TENM3: variants seen among roughly 807,000 people sequenced by gnomAD.
The protein encoded by TENM3 is teneurin-3.
Under a neutral mutation model 255.1 loss-of-function variants are expected in TENM3, and 63 were observed. The observed-to-expected ratio is 0.25, with a 90% confidence interval of 0.20 to 0.30. The LOEUF (loss-of-function observed/expected upper bound fraction) is 0.30. Ranked by LOEUF, TENM3 falls within the 10% of genes least tolerant of loss-of-function variation. TENM3 has a pLI of 1.00. For synonymous variants in TENM3, 1,306 were observed against 1,322.3 expected, an observed-to-expected ratio of 0.99 and a Z score of 0.27; for missense variants, 2,929 against 3,461.1, an observed-to-expected ratio of 0.85 and a Z score of 3.86.
chr4:182,635,206 C>T (rs1486157835), intron 5 of TENM3, among the ~76,000 whole-genome samples: 1 of 152,092 alleles, frequency 6.6e-6, no homozygotes, highest in Non-Finnish European at 1.5e-5. Context: ...ATTATCTTGC[C>T]CTTTTGGCCA....
chr4:181,669,858 T>A, the TENM3 span, among the ~76,000 whole-genome samples: 1 of 152,138 alleles, frequency 6.6e-6, no homozygotes, highest in African/African-American at 2.4e-5. Flanking sequence ...TAGGGAGAAC[T>A]TCGGTGTGTA....
the TENM3 span, among the ~76,000 whole-genome samples, chr4:181,762,528 G>A: frequency 3.3e-5 from 5 of 152,200 alleles, no homozygotes; most frequent in Non-Finnish European, 5.9e-5. Flanking sequence ...ATATTATTTT[G>A]CTTTAGGCAA....
the TENM3 span, among the ~76,000 whole-genome samples, chr4:181,747,203 A>G: frequency 6.6e-6 from 1 of 152,118 alleles, no homozygotes; most frequent in Non-Finnish European, 1.5e-5. Context: ...TTAAATTTTT[A>G]CCAAGTTAAT....
intron 3 of TENM3, among the ~76,000 whole-genome samples, chr4:182,429,230 A>G (rs1771451990): frequency 6.6e-6 from 1 of 152,234 alleles, no homozygotes; most frequent in African/African-American, 2.4e-5. Flanking sequence ...TTAGAGAAGA[A>G]TTTAGGAACC....
At chr4:181,452,414 G>A in the TENM3 span, among the ~76,000 whole-genome samples, 1 of 152,100 alleles carries the variant, frequency 6.6e-6, no homozygotes, top group Non-Finnish European at 1.5e-5. Context: ...GGAGGTAATG[G>A]AATCCTGGGG....
At chr4:181,520,605 T>G in the TENM3 span, among the ~76,000 whole-genome samples, 1 of 152,090 alleles carries the variant, frequency 6.6e-6, no homozygotes, top group African/African-American at 2.4e-5. Context: ...CTTAAATAGC[T>G]TTGCCCAAGA....
chr4:181,740,406 G>A, the TENM3 span, among the ~76,000 whole-genome samples: 7 of 151,992 alleles, frequency 4.6e-5, no homozygotes, highest in Non-Finnish European at 1.0e-4. Context: ...GAATATATAT[G>A]TGTTATTCAG....
the TENM3 span, among the ~76,000 whole-genome samples, chr4:182,105,130 T>C: frequency 9.2e-5 from 14 of 152,216 alleles, no homozygotes; most frequent in South Asian, 2.1e-4. Flanking sequence ...GGAGGATTGG[T>C]TGAGTCCAGG....
chr4:182,006,408 G>C, the TENM3 span, among the ~76,000 whole-genome samples: 1 of 152,238 alleles, frequency 6.6e-6, no homozygotes, highest in Non-Finnish European at 1.5e-5. Flanking sequence ...TTCAGAGCTT[G>C]TTATTGGCCT....
chr4:182,779,670 C>T (rs536916792), intron 24 of TENM3, among the ~76,000 whole-genome samples: 58 of 152,012 alleles, frequency 3.8e-4, no homozygotes, highest in African/African-American at 1.4e-3. Context: ...TTTACAGTCC[C>T]ACCAACAGTG....
chr4:181,897,757 G>T, the TENM3 span, among the ~76,000 whole-genome samples: 1 of 152,190 alleles, frequency 6.6e-6, no homozygotes, highest in African/African-American at 2.4e-5. Context: ...TGACACACTT[G>T]TGTAAACAAT....
At chr4:181,781,414 C>T in the TENM3 span, among the ~76,000 whole-genome samples, 2 of 152,144 alleles carry the variant, frequency 1.3e-5, no homozygotes, top group Non-Finnish European at 2.9e-5. Flanking sequence ...CATTATTTGG[C>T]TCTCTGTCTG....
intron 3 of TENM3, among the ~76,000 whole-genome samples, chr4:182,484,257 A>G (rs1734486413): frequency 6.6e-6 from 1 of 152,194 alleles, no homozygotes; most frequent in South Asian, 2.1e-4. Flanking sequence ...AAATGAGGTG[A>G]AAAAGAGATG....
Position 182,789,409 on chromosome 4 carries a change from TCAA to T in TENM3, c.5601+24_5601+26del, listed in dbSNP as rs752423747. 7.5e-6 allele frequency: 12 copies of T among 1,597,944 alleles called. No individual in the cohort carries two copies. The Admixed American group carries it at 2.0e-4, about 27-fold the overall frequency. ...GAAAAGGTATGCCTGCAAACTAAGCTCAACAATAGGGAAAGGATAATTCACATT... is the reference window on the plus strand; with the variant it reads ...GAAAAGGTATGCCTGCAAACTAAGCTCAATAGGGAAAGGATAATTCACATT... On this transcript the variant is annotated intron_variant, in intron 25 of 27. Transcript: ENST00000511685. The surrounding 1 kb of genome is among the most constrained non-coding windows in gnomAD (Gnocchi z 4.4).
At chr4:182,150,795 C>G (rs1750285007) in intron 1 of TENM3, among the ~76,000 whole-genome samples, 1 of 151,950 alleles carries the variant, frequency 6.6e-6, no homozygotes. Context: ...TTCAGGTTGC[C>G]ATTACTTAGA....
chr4:182,376,203 T>C (rs147858489), intron 3 of TENM3, among the ~76,000 whole-genome samples: 34 of 152,326 alleles, frequency 2.2e-4, no homozygotes, highest in Admixed American at 3.3e-4. Context: ...TGTAGAATAC[T>C]GTAAGGGGAA....
the TENM3 span, among the ~76,000 whole-genome samples, chr4:181,637,293 C>T: frequency 2.0e-5 from 3 of 152,194 alleles, 1 homozygote; most frequent in East Asian, 3.8e-4. Flanking sequence ...TCCTGATTCA[C>T]GAGCAACTTT....
chr4:182,306,642 G>A (rs531436270), intron 1 of TENM3, among the ~76,000 whole-genome samples: 2 of 152,248 alleles, frequency 1.3e-5, no homozygotes, highest in East Asian at 3.9e-4. Flanking sequence ...CCCCATCTGA[G>A]CAGAAACCTG....
chr4:181,458,656 T>A, the TENM3 span, among the ~76,000 whole-genome samples: 2 of 151,950 alleles, frequency 1.3e-5, no homozygotes, highest in Non-Finnish European at 2.9e-5. Flanking sequence ...AACTCCTTAT[T>A]AATCCAATCC....
Sources: allele counts gnomAD v4.1 joint callset (sites outside exome capture counted in the v4.1 genomes callset), GRCh38; gene constraint gnomAD v4.1.1; non-coding constraint Gnocchi (gnomAD v3.1); transcripts MANE v1.5; gene names NCBI Gene and HGNC (gene_info 2026-07-23, HGNC 2026-07-21).